Variants in MAPKAP1 observed in about 807,000 individuals in gnomAD.
MAPKAP1 encodes MAPK associated protein 1.
MAPKAP1 carries 20 observed loss-of-function variants against 65.7 expected under a neutral mutation model. The observed-to-expected ratio is 0.30, with a 90% confidence interval of 0.21 to 0.44. The LOEUF (loss-of-function observed/expected upper bound fraction) is 0.44. Ranked by LOEUF, MAPKAP1 falls within the 20% of genes least tolerant of loss-of-function variation. MAPKAP1 has a pLI of 1.00. For missense variants in MAPKAP1, 423 were observed against 648.0 expected, an observed-to-expected ratio of 0.65 and a Z score of 3.77; for synonymous variants, 222 against 244.3, an observed-to-expected ratio of 0.91 and a Z score of 0.85.
intron 1 of MAPKAP1, among the ~76,000 whole-genome samples, chr9:125,693,414 C>CAAA (rs140359169): frequency 8.4e-5 from 10 of 118,594 alleles, no homozygotes; most frequent in Admixed American, 5.7e-4. Flanking sequence ...AATTCCGCCT[C>CAAA]AAAAAAAAAA....
At chr9:125,613,319 T>C (rs1411590822) in intron 4 of MAPKAP1, among the ~76,000 whole-genome samples, 5 of 152,212 alleles carry the variant, frequency 3.3e-5, no homozygotes, top group African/African-American at 1.2e-4. Context: ...TCCCAACTGC[T>C]GGAAGGAATG....
intron 4 of MAPKAP1, among the ~76,000 whole-genome samples, chr9:125,626,695 G>C (rs1255095230): frequency 6.6e-6 from 1 of 152,182 alleles, no homozygotes. Context: ...AATTAAGGAA[G>C]CCTGATTAGG....
intron 1 of MAPKAP1, among the ~76,000 whole-genome samples, chr9:125,692,923 G>A (rs944054598): frequency 1.3e-5 from 2 of 152,062 alleles, no homozygotes; most frequent in Non-Finnish European, 2.9e-5. Context: ...ATATACCTTC[G>A]TGACCTGTGT....
At chr9:125,587,571 AAAACAAAC>A (rs367582231) in intron 4 of MAPKAP1, among the ~76,000 whole-genome samples, 28 of 152,234 alleles carry the variant, frequency 1.8e-4, no homozygotes, top group Middle Eastern at 3.4e-3. Flanking sequence ...GCTCAAAACA[AAAACAAAC>A]AAACAAACAA....
chr9:125,455,595 GTTT>G (rs879327923), intron 10 of MAPKAP1, among the ~76,000 whole-genome samples: 2 of 146,988 alleles, frequency 1.4e-5, no homozygotes, highest in Non-Finnish European at 3.0e-5. Flanking sequence ...AAGAAGTGTA[GTTT>G]TTTTTTTTTC....
intron 4 of MAPKAP1, among the ~76,000 whole-genome samples, chr9:125,591,294 C>G (rs773667342): frequency 6.6e-6 from 1 of 152,182 alleles, no homozygotes; most frequent in African/African-American, 2.4e-5. Context: ...CTTCTTTTCC[C>G]TACAAACCTG....
At chr9:125,516,771 C>G (rs977334918) in intron 7 of MAPKAP1, among the ~76,000 whole-genome samples, 1 of 152,190 alleles carries the variant, frequency 6.6e-6, no homozygotes, top group African/African-American at 2.4e-5. Context: ...TGGATCTAAA[C>G]CTTCATGGAG....
chr9:125,554,219 A>G (rs75169451), intron 6 of MAPKAP1, among the ~76,000 whole-genome samples: 3,894 of 152,284 alleles, frequency 0.026, 67 homozygotes, highest in African/African-American at 0.051. Context: ...GTGGGCACAA[A>G]GATCTCTATG....
chr9:125,491,772 T>C (rs1255625428), intron 8 of MAPKAP1, among the ~76,000 whole-genome samples: 2 of 148,936 alleles, frequency 1.3e-5, no homozygotes, highest in Non-Finnish European at 3.0e-5. Context: ...AGAGACCCTA[T>C]CTCAAAAAAA....
At chr9:125,605,495 G>A (rs1041700489) in intron 4 of MAPKAP1, among the ~76,000 whole-genome samples, 5 of 152,140 alleles carry the variant, frequency 3.3e-5, no homozygotes, top group African/African-American at 1.2e-4. Flanking sequence ...AATAGCCACC[G>A]TTTCACAAAT....
intron 5 of MAPKAP1, among the ~76,000 whole-genome samples, chr9:125,571,375 G>C (rs1161980382): frequency 6.6e-6 from 1 of 152,130 alleles, no homozygotes; most frequent in Non-Finnish European, 1.5e-5. Context: ...ATTAACTAGA[G>C]AACTCTAGCA....
chr9:125,614,492 C>G (rs532871851), intron 4 of MAPKAP1, among the ~76,000 whole-genome samples: 1 of 152,218 alleles, frequency 6.6e-6, no homozygotes, highest in African/African-American at 2.4e-5. Flanking sequence ...GGTGTGGTAG[C>G]AGGCGCCTGT....
intron 4 of MAPKAP1, among the ~76,000 whole-genome samples, chr9:125,607,828 G>T (rs1286102050): frequency 2.6e-5 from 4 of 152,116 alleles, no homozygotes; most frequent in African/African-American, 9.7e-5. Flanking sequence ...GCTAATTTTT[G>T]TATTTTTAGT....
chr9:125,608,074 T>C (rs1378221676), intron 4 of MAPKAP1, among the ~76,000 whole-genome samples: 2 of 152,130 alleles, frequency 1.3e-5, no homozygotes, highest in African/African-American at 4.8e-5. Context: ...GGATGATGCA[T>C]CCAACAGTCC....
intron 7 of MAPKAP1, 166 bp downstream of exon 7, chr9:125,542,893 C>T (rs887904723): frequency 3.2e-5 from 24 of 757,534 alleles, no homozygotes; most frequent in Middle Eastern, 2.3e-4. Context: ...TTTCTGAGGC[C>T]GAGGGGCAGT....
At chr9:125,687,769 G>A (rs1835028836) in intron 1 of MAPKAP1, among the ~76,000 whole-genome samples, 1 of 152,172 alleles carries the variant, frequency 6.6e-6, no homozygotes, top group African/African-American at 2.4e-5. Flanking sequence ...GGGCAACAGA[G>A]TGAGACCCTC....
At chr9:125,619,363 G>T (rs1393054144) in intron 4 of MAPKAP1, among the ~76,000 whole-genome samples, 1 of 151,984 alleles carries the variant, frequency 6.6e-6, no homozygotes, top group East Asian at 1.9e-4. Context: ...AATCAAAGAG[G>T]TTTACAAAAA....
At chr9:125,677,484 T>C (rs898748729) in intron 1 of MAPKAP1, among the ~76,000 whole-genome samples, 3 of 152,138 alleles carry the variant, frequency 2.0e-5, no homozygotes, top group South Asian at 2.1e-4. Context: ...TCACCTGAGG[T>C]CAGGAGTTCG....
chr9:125,498,823 CCA>C (rs1828883386), intron 8 of MAPKAP1, among the ~76,000 whole-genome samples: 1 of 152,152 alleles, frequency 6.6e-6, no homozygotes, highest in Non-Finnish European at 1.5e-5. Flanking sequence ...TGCCCCCTCC[CCA>C]CTCTCCTTCC....
Sources: gnomAD v4.1 joint callset for allele counts (sites outside exome capture counted in the v4.1 genomes callset) on GRCh38, gnomAD v4.1.1 for gene constraint, MANE v1.5 for transcripts, NCBI Gene and HGNC (gene_info 2026-07-23, HGNC 2026-07-21) for gene names.